The following RABGAP1L variants were observed in gnomAD, a reference collection of about 807,000 sequenced individuals.
The protein encoded by RABGAP1L is rab GTPase-activating protein 1-like.
RABGAP1L carries 63 observed loss-of-function variants against 137.7 expected under a neutral mutation model. The ratio of observed to expected loss-of-function variants is 0.46; its 90% CI spans 0.37 to 0.56. RABGAP1L has a LOEUF of 0.56. Ranked by LOEUF, RABGAP1L falls within the 20% of genes least tolerant of loss-of-function variation. The pLI is 0.00. For synonymous variants in RABGAP1L, 431 were observed against 433.7 expected, an observed-to-expected ratio of 0.99 and a Z score of 0.08; for missense variants, 1,095 against 1,244.0, an observed-to-expected ratio of 0.88 and a Z score of 1.80.
At chr1:174,349,340 A>G (rs1188934575) in intron 11 of RABGAP1L, among the ~76,000 whole-genome samples, 12 of 84,582 alleles carry the variant, frequency 1.4e-4, no homozygotes, top group East Asian at 3.6e-4. Flanking sequence ...GGATGGGGCC[A>G]CTGGCCGGGC....
chr1:174,163,822 T>C (rs970458156), intron 1 of RABGAP1L, among the ~76,000 whole-genome samples: 20 of 152,058 alleles, frequency 1.3e-4, no homozygotes, highest in African/African-American at 4.8e-4. Flanking sequence ...CTAACAACTG[T>C]TTGCTGTGTT....
At chr1:174,272,792 A>G (rs958428401) in intron 8 of RABGAP1L, among the ~76,000 whole-genome samples, 1 of 152,030 alleles carries the variant, frequency 6.6e-6, no homozygotes, top group Non-Finnish European at 1.5e-5. Flanking sequence ...TATAACAAGC[A>G]TCTCCAGAGT....
At chr1:174,774,816 G>T (rs139765086) in intron 18 of RABGAP1L, among the ~76,000 whole-genome samples, 1 of 152,096 alleles carries the variant, frequency 6.6e-6, no homozygotes, top group Non-Finnish European at 1.5e-5. Context: ...AGGGGTTGAG[G>T]CTGCAGTGAG....
rs1553330109 is a variant in RABGAP1L, at chr1:174,550,899, C to CACAT, written c.1711-86473_1711-86472insTACA. 6.4e-4 allele frequency among the ~76,000 whole-genome samples: 33 copies of CACAT among 51,840 alleles called. 1 individual carries two copies. Among genetic ancestry groups the CACAT allele is most frequent in the Non-Finnish European group, 1.1e-3 (32 of 29,278 alleles). The allele number at this position is 51,840 out of a possible 152,430, so 34.0% of individuals were successfully genotyped here. ...ATATATATATATATATATATATACA[C>CACAT]ACACACATATACACACACACACATA... is the stretch of plus-strand genomic sequence containing the variant. On this transcript the variant is annotated intron_variant, in intron 13 of 25. Transcript: ENST00000681986.
chr1:174,976,087 A>C lies in RABGAP1L; in HGVS notation c.2554A>C (p.Lys852Gln). The change falls in exon 22 of 26, where the codon AAG (lysine) becomes CAG (glutamine). Residue 852 changes from lysine (K) to glutamine (Q), a missense_variant. Coordinates refer to ENST00000681986, the MANE Select transcript of RABGAP1L (RefSeq NM_001366446.1). ...LRNDLDQAEDKADVLNKELLL... is the reference protein window; with the variant it reads ...LRNDLDQAEDQADVLNKELLL... The stretch of plus-strand genomic sequence containing the variant: ...GCACCATGATTTGCAGGCAGAAGAC[A>C]AGGCAGATGTGTTGAATAAAGAGCT... 6.4e-7 allele frequency: 1 copy of C among 1,550,938 alleles called. No individual in the cohort carries two copies. Among genetic ancestry groups the C allele is most frequent in the South Asian group, 1.2e-5 (1 of 84,050 alleles).
chr1:174,819,036 A>G (rs1374551533), intron 19 of RABGAP1L, among the ~76,000 whole-genome samples: 1 of 151,342 alleles, frequency 6.6e-6, no homozygotes, highest in Non-Finnish European at 1.5e-5. Flanking sequence ...TCCAAAAATT[A>G]TCTGGGCATG....
At chr1:174,396,853 A>G (rs1013690726) in intron 13 of RABGAP1L, among the ~76,000 whole-genome samples, 2 of 152,030 alleles carry the variant, frequency 1.3e-5, no homozygotes, top group African/African-American at 4.8e-5. Flanking sequence ...AGATCAAGAG[A>G]TAGGGCTGGG....
Position 174,292,243 on chromosome 1 carries a change from C to A in RABGAP1L, c.1324-12743C>A, listed in dbSNP as rs1395061345. Among the ~76,000 whole-genome samples the A allele has an allele frequency of 2.7e-5, 4 of 148,152 alleles. No individual in the cohort carries two copies. In the South Asian group the frequency reaches 8.6e-4, roughly 32 times the overall value. On this transcript the variant is annotated intron_variant, in intron 10 of 25. Transcript: ENST00000681986. ...ATGGGGTGTTGCTATGTTGCTCAGG[C>A]TGGTCTCAAATTGCTCAAGCAGTTC...
intron 18 of RABGAP1L, among the ~76,000 whole-genome samples, chr1:174,762,132 T>C (rs1685276753): frequency 6.6e-6 from 1 of 151,972 alleles, no homozygotes; most frequent in East Asian, 1.9e-4. Flanking sequence ...GGAAGGGCGG[T>C]AGGAGATGAG....
At chr1:174,615,561 C>T (rs538628629) in intron 13 of RABGAP1L, among the ~76,000 whole-genome samples, 2 of 152,350 alleles carry the variant, frequency 1.3e-5, no homozygotes, top group South Asian at 4.1e-4. Context: ...TCTGTCCATT[C>T]TCAGATCTCC....
At chr1:174,480,286 A>G (rs1266678326) in intron 13 of RABGAP1L, among the ~76,000 whole-genome samples, 3 of 152,238 alleles carry the variant, frequency 2.0e-5, no homozygotes, top group Non-Finnish European at 4.4e-5. Context: ...TACTTGGTTC[A>G]GCAAACTGTT....
intron 13 of RABGAP1L, among the ~76,000 whole-genome samples, chr1:174,536,160 A>G (rs185407034): frequency 6.7e-4 from 102 of 152,126 alleles, no homozygotes; most frequent in Middle Eastern, 3.4e-3. Flanking sequence ...TAAGGTGTGC[A>G]CTTGGAACAT....
chr1:174,349,944 C>G (rs1392742469), intron 11 of RABGAP1L, among the ~76,000 whole-genome samples: 1 of 130,588 alleles, frequency 7.7e-6, no homozygotes, highest in Non-Finnish European at 1.7e-5. Context: ...GACGGGGCGG[C>G]TGGCCGGGTG....
intron 22 of RABGAP1L, among the ~76,000 whole-genome samples, chr1:174,976,631 T>C (rs1039875777): frequency 8.5e-5 from 13 of 152,256 alleles, no homozygotes; most frequent in Non-Finnish European, 1.5e-4. Flanking sequence ...TCAGTCACAC[T>C]TCATTTTCCT....
chr1:174,866,110 GGAGAGAGAGAGAGAGAGAGAGA>G lies in RABGAP1L; in HGVS notation c.2340+54183_2340+54204del, dbSNP rs34712612. ...GAGAGGAGGGGAGAGGGAGGGAGGGGGAGAGAGAGAGAGAGAGAGAGAGAGAGAGAGAGAGAGAGAGAGAGAG... is the reference window on the plus strand; with the variant it reads ...GAGAGGAGGGGAGAGGGAGGGAGGGGGAGAGAGAGAGAGAGAGAGAGAGAG... On this transcript the variant is annotated intron_variant, in intron 19 of 25. Coordinates refer to ENST00000681986, the MANE Select transcript of RABGAP1L (RefSeq NM_001366446.1). 4.6e-3 allele frequency among the ~76,000 whole-genome samples: 301 copies of G among 65,822 alleles called. 1 individual carries two copies. The highest frequency in any genetic ancestry group is 0.015 in the African/African-American group (265 of 17,360). 43.2% of individuals were successfully genotyped at this position (65,822 alleles called of 152,430 possible).
At chr1:174,226,661 G>A (rs564866036) in intron 3 of RABGAP1L, among the ~76,000 whole-genome samples, 7 of 151,862 alleles carry the variant, frequency 4.6e-5, no homozygotes, top group African/African-American at 9.7e-5. Context: ...TGAAATATCC[G>A]TTTTCTTTTT....
At position 174,855,974 on chromosome 1, in the gene RABGAP1L, A is replaced by G. The variant is rs73035390; in HGVS notation, c.2340+44014A>G. On this transcript the variant is annotated intron_variant, in intron 19 of 25. Coordinates refer to ENST00000681986, the MANE Select transcript of RABGAP1L (RefSeq NM_001366446.1). ...AACTGAAGTCCCACTTGAAAAGGTA[A>G]AGTTATATAAACTACTTTTTAGTAT... 5.3e-3 allele frequency among the ~76,000 whole-genome samples: 809 copies of G among 152,322 alleles called. 10 individuals are homozygous for G. The highest frequency in any genetic ancestry group is 0.018 in the African/African-American group (764 of 41,566).
At chr1:174,313,877 T>C (rs1432702695) in intron 11 of RABGAP1L, among the ~76,000 whole-genome samples, 2 of 152,202 alleles carry the variant, frequency 1.3e-5, no homozygotes, top group African/African-American at 4.8e-5. Context: ...TGAATGATCT[T>C]TCTATAATGT....
intron 14 of RABGAP1L, among the ~76,000 whole-genome samples, chr1:174,651,902 C>T (rs540235669): frequency 5.9e-5 from 9 of 152,158 alleles, no homozygotes; most frequent in South Asian, 2.1e-4. Flanking sequence ...TTATTTTGCT[C>T]GTTAGTTGAT....
Sources: allele counts gnomAD v4.1 joint callset (sites outside exome capture counted in the v4.1 genomes callset), GRCh38; gene constraint gnomAD v4.1.1; transcripts MANE v1.5; gene names NCBI Gene and HGNC (gene_info 2026-07-23, HGNC 2026-07-21).